CCDC3: variants seen among roughly 807,000 people sequenced by gnomAD.
The protein encoded by CCDC3 is coiled-coil domain-containing protein 3.
Under a neutral mutation model 21.4 loss-of-function variants are expected in CCDC3, and 24 were observed. That is an observed-to-expected ratio of 1.12 (90% CI 0.81 to 1.58). CCDC3 has a LOEUF of 1.58. Ranked by LOEUF, CCDC3 falls within the 40% of genes most tolerant of loss-of-function variation. The pLI is 0.00. For synonymous variants in CCDC3, 186 were observed against 166.0 expected (o/e 1.12, Z -0.93); for missense variants, 425 against 360.9 (o/e 1.18, Z -1.44).
chr10:13,032,118 C>A (rs1406894030), intron 5 of CCDC3, among the ~76,000 whole-genome samples: 1 of 152,142 alleles, frequency 6.6e-6, no homozygotes. Context: ...CCGAACCCAG[C>A]AGCACATCAA....
intron 2 of CCDC3, among the ~76,000 whole-genome samples, chr10:12,994,977 A>G (rs563436975): frequency 1.3e-5 from 2 of 152,126 alleles, no homozygotes; most frequent in South Asian, 4.2e-4. Context: ...ACTACTTGGG[A>G]AGCTGAGGCA....
rs146536312 is a variant in CCDC3, at chr10:12,903,306, G to A, written c.550-4627C>T. ...CCTCAAAAGAAAATCCTGTGTTTAA[G>A]AAAGCAAGAATTTCTAGAGGAGAGC... is the stretch of plus-strand genomic sequence containing the variant. On this transcript the variant is annotated intron_variant, in intron 2 of 2. Transcript: ENST00000378825. Among the ~76,000 whole-genome samples the A allele has an allele frequency of 3.9e-5, 6 of 152,336 alleles. No individual in the cohort carries two copies. In the East Asian group the frequency reaches 1.2e-3, roughly 29 times the overall value.
intron 2 of CCDC3, among the ~76,000 whole-genome samples, chr10:12,991,734 T>C (rs1419622392): frequency 6.6e-6 from 1 of 152,168 alleles, no homozygotes; most frequent in East Asian, 1.9e-4. Context: ...CCCACTGATT[T>C]TAACTGAAAT....
intron 4 of CCDC3, among the ~76,000 whole-genome samples, chr10:13,065,591 C>T (rs538752699): frequency 6.2e-4 from 95 of 152,138 alleles, no homozygotes; most frequent in Admixed American, 1.1e-3. Flanking sequence ...CGATATGAAG[C>T]TAATGCTGTT....
intron 2 of CCDC3, among the ~76,000 whole-genome samples, chr10:12,906,123 G>C (rs935540728): frequency 6.6e-6 from 1 of 152,190 alleles, no homozygotes; most frequent in Non-Finnish European, 1.5e-5. Flanking sequence ...CACGCAGAAC[G>C]GTTTCCTGAA....
At chr10:12,996,589 G>A (rs1459721273) in intron 2 of CCDC3, among the ~76,000 whole-genome samples, 1 of 152,164 alleles carries the variant, frequency 6.6e-6, no homozygotes, top group Non-Finnish European at 1.5e-5. Flanking sequence ...CCCCACCTCG[G>A]CCTCCCAAAG....
At chr10:12,979,039 A>G (rs1835458805) in intron 2 of CCDC3, among the ~76,000 whole-genome samples, 2 of 152,002 alleles carry the variant, frequency 1.3e-5, no homozygotes, top group South Asian at 4.2e-4. Context: ...TCCCATGTTG[A>G]CAGAAGATCA....
At chr10:13,091,698 G>T (rs1832572245) in intron 3 of CCDC3, among the ~76,000 whole-genome samples, 1 of 151,602 alleles carries the variant, frequency 6.6e-6, no homozygotes. Flanking sequence ...CCCTCCATCT[G>T]CATAAAAGCT....
At chr10:12,973,765 C>A (rs1043480989) in intron 2 of CCDC3, among the ~76,000 whole-genome samples, 1 of 151,762 alleles carries the variant, frequency 6.6e-6, no homozygotes, top group East Asian at 1.9e-4. Flanking sequence ...CACGGCCTTA[C>A]TTGGTCTTCC....
chr10:12,986,798 A>G (rs1369086230), intron 2 of CCDC3, among the ~76,000 whole-genome samples: 1 of 152,054 alleles, frequency 6.6e-6, no homozygotes, highest in African/African-American at 2.4e-5. Flanking sequence ...AAAAACAAAA[A>G]CAAAAACAAA....
intron 5 of CCDC3, among the ~76,000 whole-genome samples, chr10:13,032,739 C>T (rs983356585): frequency 6.6e-6 from 1 of 152,160 alleles, no homozygotes; most frequent in African/African-American, 2.4e-5. Flanking sequence ...CTCCCATTCA[C>T]AATTGCTTCA....
chr10:13,083,542 T>C (rs539792340), intron 3 of CCDC3, among the ~76,000 whole-genome samples: 10 of 152,390 alleles, frequency 6.6e-5, no homozygotes, highest in African/African-American at 2.4e-4. Context: ...AGCTGTTAAA[T>C]GTGCTCACAG....
At chr10:13,096,901 C>A (rs1479685328) in intron 3 of CCDC3, among the ~76,000 whole-genome samples, 1 of 152,154 alleles carries the variant, frequency 6.6e-6, no homozygotes, top group Admixed American at 6.5e-5. Flanking sequence ...TCCACCCCAC[C>A]CAGCTCTGGC....
At position 13,013,379 on chromosome 10, in the gene CCDC3, C is replaced by T. The variant is rs188325542; in HGVS notation, c.-1-14867G>A. 7.7e-4 allele frequency among the ~76,000 whole-genome samples: 118 copies of T among 152,286 alleles called. No individual in the cohort carries two copies. In the Middle Eastern group the frequency reaches 0.017, roughly 22 times the overall value. On this transcript the variant is annotated intron_variant, in intron 5 of 6. Transcript: ENST00000378839. Reference sequence around the variant, plus strand: ...AACTGGGAAATATCTCACACAGACACACACAAACCCTTAAAGGGGCTCCCA... The same window carrying T: ...AACTGGGAAATATCTCACACAGACATACACAAACCCTTAAAGGGGCTCCCA...
intron 2 of CCDC3, among the ~76,000 whole-genome samples, chr10:12,943,761 GCATTTCGCCA>G (rs1834871610): frequency 6.6e-6 from 1 of 152,186 alleles, no homozygotes; most frequent in African/African-American, 2.4e-5. Context: ...AAAACTCTGT[GCATTTCGCCA>G]CAGATGAGAC....
intron 2 of CCDC3, among the ~76,000 whole-genome samples, chr10:12,974,618 C>A (rs1486824293): frequency 6.6e-6 from 1 of 152,204 alleles, no homozygotes; most frequent in East Asian, 1.9e-4. Flanking sequence ...ACAGGACTGA[C>A]TGAATTCAAG....
At chr10:13,085,928 C>T (rs1302324749) in intron 3 of CCDC3, among the ~76,000 whole-genome samples, 4 of 150,158 alleles carry the variant, frequency 2.7e-5, no homozygotes, top group Non-Finnish European at 5.9e-5. Context: ...AATTGTGCAA[C>T]TGCACTCCAG....
chr10:12,969,166 A>C (rs141098524), intron 2 of CCDC3, among the ~76,000 whole-genome samples: 8 of 152,296 alleles, frequency 5.3e-5, no homozygotes, highest in African/African-American at 1.9e-4. Flanking sequence ...ACATTTCTCT[A>C]AAGACGACAT....
intron 2 of CCDC3, among the ~76,000 whole-genome samples, chr10:12,934,800 C>T (rs527840744): frequency 5.3e-5 from 8 of 151,634 alleles, no homozygotes; most frequent in East Asian, 1.9e-4. Context: ...TGGCTTTCTG[C>T]GTCCCTTTAT....
Sources: allele counts gnomAD v4.1 joint callset (sites outside exome capture counted in the v4.1 genomes callset), GRCh38; gene constraint gnomAD v4.1.1; transcripts MANE v1.5; gene names NCBI Gene and HGNC (gene_info 2026-07-23, HGNC 2026-07-21).